Variants in CCZ1 observed in about 807,000 individuals in gnomAD.
The protein encoded by CCZ1 is CCZ1 vacuolar protein trafficking and biogenesis associated, also known as vacuolar fusion protein CCZ1 homolog.
CCZ1 carries 19 observed loss-of-function variants against 57.8 expected under a neutral mutation model. The observed-to-expected ratio is 0.33, with a 90% CI of 0.23 to 0.48. The LOEUF (loss-of-function observed/expected upper bound fraction) is 0.48, where lower values mean the gene tolerates loss of function less well. Among genes scored for constraint, CCZ1 ranks in the 20% least tolerant of loss-of-function variants. CCZ1 has a pLI of 0.99. For missense variants in CCZ1, 200 were observed against 492.0 expected, an observed-to-expected ratio of 0.41 and a Z score of 5.61; for synonymous variants, 81 against 167.0, an observed-to-expected ratio of 0.49 and a Z score of 3.97.
intron 8 of CCZ1, among the ~76,000 whole-genome samples, chr7:5,910,840 A>G (rs984921771): frequency 1.4e-5 from 2 of 146,936 alleles, no homozygotes; most frequent in Non-Finnish European, 1.5e-5. Flanking sequence ...GATTCAAACA[A>G]TTCTCCGGCC....
intron 14 of CCZ1, among the ~76,000 whole-genome samples, chr7:5,924,538 ATG>A (rs1223776606): frequency 3.5e-5 from 4 of 114,648 alleles, no homozygotes; most frequent in Admixed American, 3.4e-4. Flanking sequence ...CCAGCCCAAA[ATG>A]TCCTTTTTTA....
chr7:5,900,033 C>T (rs1435363475), intron 1 of CCZ1, among the ~76,000 whole-genome samples: 1 of 150,158 alleles, frequency 6.7e-6, no homozygotes, highest in Non-Finnish European at 1.5e-5. Flanking sequence ...TCCTGTTCTT[C>T]TTCTTATTTT....
At chr7:5,911,357 G>A (rs1359506070) in intron 8 of CCZ1, among the ~76,000 whole-genome samples, 6 of 148,608 alleles carry the variant, frequency 4.0e-5, no homozygotes, top group East Asian at 2.2e-4. Context: ...TTTAAGAGAC[G>A]AGGTCTCACT....
At chr7:5,900,213 A>G (rs1404344218) in intron 1 of CCZ1, 71 bp from the exon 2 acceptor site, 5 of 1,405,030 alleles carry the variant, frequency 3.6e-6, no homozygotes, top group Non-Finnish European at 4.7e-6. Context: ...GTCGACATTG[A>G]ACTTAGCGTT....
At chr7:5,905,011 A>G (rs1179288258) in intron 6 of CCZ1, 83 bp from the exon 7 acceptor site, 2 of 1,135,836 alleles carry the variant, frequency 1.8e-6, no homozygotes, top group African/African-American at 3.3e-5. Flanking sequence ...TGTGAGTCTG[A>G]CATAAGATTA....
intron 4 of CCZ1, 21 bp downstream of exon 4, chr7:5,900,953 TATTTA>T: frequency 1.6e-6 from 2 of 1,284,546 alleles, no homozygotes; most frequent in Non-Finnish European, 2.1e-6. Flanking sequence ...ATTGTTTGTT[TATTTA>T]TTTATTTTTT....
intron 7 of CCZ1, among the ~76,000 whole-genome samples, chr7:5,907,565 C>T (rs1781862773): frequency 6.8e-6 from 1 of 146,454 alleles, no homozygotes; most frequent in African/African-American, 2.5e-5. Flanking sequence ...GAGGGTCTTC[C>T]AGGAGCTCAT....
chr7:5,913,431 A>T (rs1213855350), intron 10 of CCZ1, among the ~76,000 whole-genome samples: 2 of 150,828 alleles, frequency 1.3e-5, no homozygotes, highest in African/African-American at 2.4e-5. Flanking sequence ...TGATTCAAGA[A>T]AGAAGACGGA....
intron 10 of CCZ1, among the ~76,000 whole-genome samples, chr7:5,915,503 G>C (rs1288218438): frequency 7.1e-6 from 1 of 141,314 alleles, no homozygotes; most frequent in Non-Finnish European, 1.6e-5. Context: ...TGATGGGATT[G>C]TGGCTATGTT....
chr7:5,902,833 C>G, intron 6 of CCZ1, 89 bp downstream of exon 6: 2 of 1,452,854 alleles, frequency 1.4e-6, no homozygotes, highest in African/African-American at 3.0e-5. Context: ...TTCTTATATA[C>G]AAAAAACCCA....
intron 14 of CCZ1, among the ~76,000 whole-genome samples, chr7:5,924,406 A>AT (rs1333592943): frequency 3.3e-5 from 3 of 92,102 alleles, no homozygotes; most frequent in Non-Finnish European, 7.3e-5. Context: ...GACCCAGCTA[A>AT]TTTCTTTTTT....
At chr7:5,900,605 G>C (rs745953074) in intron 3 of CCZ1, 39 bp downstream of exon 3, 2 of 1,588,364 alleles carry the variant, frequency 1.3e-6, no homozygotes, top group Non-Finnish European at 1.7e-6. Flanking sequence ...AAATTGTATG[G>C]TGAAGTTATG....
intron 6 of CCZ1, 29 bp downstream of exon 6, chr7:5,902,773 T>G: frequency 6.3e-7 from 1 of 1,585,088 alleles, no homozygotes; most frequent in Non-Finnish European, 8.5e-7. Flanking sequence ...ATTTATAACT[T>G]TAGTAAGCAT....
chr7:5,899,595 C>CAA (rs527239502), intron 1 of CCZ1, among the ~76,000 whole-genome samples: 6,881 of 90,884 alleles, frequency 0.076, 169 homozygotes, highest in East Asian at 0.27. Context: ...CCCAACTCTA[C>CAA]AAAAAAAAAA....
At chr7:5,909,571 T>C (rs201399522) in intron 7 of CCZ1, among the ~76,000 whole-genome samples, 8,748 of 137,584 alleles carry the variant, frequency 0.064, 431 homozygotes, top group East Asian at 0.28. Flanking sequence ...TGGTGGCGCA[T>C]GCCTGTAGTC....
intron 7 of CCZ1, among the ~76,000 whole-genome samples, chr7:5,906,360 G>T (rs1180520405): frequency 7.7e-6 from 1 of 130,158 alleles, no homozygotes; most frequent in Non-Finnish European, 1.5e-5. Context: ...GTCTCACTCT[G>T]TTGCCAGGCT....
chr7:5,919,703 TG>T, intron 11 of CCZ1, 145 bp from the exon 12 acceptor site: 1 of 925,340 alleles, frequency 1.1e-6, no homozygotes, highest in Non-Finnish European at 1.6e-6. Flanking sequence ...TTCTATCTTC[TG>T]TTTCTCTTCT....
intron 8 of CCZ1, among the ~76,000 whole-genome samples, chr7:5,910,706 TTTTATTTATTTA>T (rs1554282244): frequency 6.5e-5 from 8 of 123,688 alleles, no homozygotes; most frequent in Admixed American, 8.4e-5. Context: ...ATGTATTTTA[TTTTATTTATTTA>T]TTTATTTATT....
chr7:5,901,723 C>T lies in CCZ1; in HGVS notation c.438+19C>T, dbSNP rs62453577. 0.16 allele frequency: 262,834 copies of T among 1,594,902 alleles called. 30,604 individuals carry two copies. The highest frequency in any genetic ancestry group is 0.18 in the Non-Finnish European group (211,188 of 1,174,256). Reference sequence around the variant, plus strand: ...GTACAAGGTAAGCGTGGCGTTCTTTCTCAACTCAGAGTCCAGCCACTTACC... The same window carrying T: ...GTACAAGGTAAGCGTGGCGTTCTTTTTCAACTCAGAGTCCAGCCACTTACC... On this transcript the variant is annotated intron_variant, in intron 5 of 14. Transcript: ENST00000325974.
Sources: gnomAD v4.1 joint callset for allele counts (sites outside exome capture counted in the v4.1 genomes callset) on GRCh38, gnomAD v4.1.1 for gene constraint, MANE v1.5 for transcripts, NCBI Gene and HGNC (gene_info 2026-07-23, HGNC 2026-07-21) for gene names.